MAPK4: variants seen among roughly 807,000 people sequenced by gnomAD.
MAPK4 encodes the protein Erk3-related.
In MAPK4, 22 loss-of-function variants were observed where a neutral mutation model predicts 47.7. The ratio of observed to expected loss-of-function variants is 0.46; its 90% CI spans 0.33 to 0.66. The LOEUF (loss-of-function observed/expected upper bound fraction) is 0.66. Among genes scored for constraint, MAPK4 ranks in the 30% least tolerant of loss-of-function variants. The probability of loss-of-function intolerance (pLI) is 0.02; values close to 1 mark genes in which losing one functional copy is unlikely to be tolerated. For missense variants in MAPK4, 736 were observed against 831.7 expected (o/e 0.88, Z 1.42); for synonymous variants, 390 against 365.7 (o/e 1.07, Z -0.76).
intron 2 of MAPK4, among the ~76,000 whole-genome samples, chr18:50,677,280 G>A (rs1908326543): frequency 6.6e-6 from 1 of 152,170 alleles, no homozygotes; most frequent in African/African-American, 2.4e-5. Flanking sequence ...ACTCCAAAAT[G>A]TTAACAATGG....
intron 2 of MAPK4, among the ~76,000 whole-genome samples, chr18:50,701,001 A>C (rs536330494): frequency 4.6e-5 from 7 of 152,192 alleles, no homozygotes; most frequent in Non-Finnish European, 8.8e-5. Context: ...CATGCCCTTC[A>C]CGTGTTCCCT....
rs191436108 is a variant in MAPK4 at position 50,661,996 on chromosome 18, G to A, written c.-870-1093G>A. ...AGAAGTCTTTACAGGCGATCTGATTGTTTACTATTTCAGATCATCTGTGTC... is the reference window on the plus strand; with the variant it reads ...AGAAGTCTTTACAGGCGATCTGATTATTTACTATTTCAGATCATCTGTGTC... On this transcript the variant is annotated intron_variant, in intron 1 of 5. Transcript: ENST00000400384. 2.6e-4 allele frequency among the ~76,000 whole-genome samples: 40 copies of A among 152,318 alleles called. 1 individual carries two copies. Among genetic ancestry groups the A allele is most frequent in the African/African-American group, 9.1e-4 (38 of 41,564 alleles).
At chr18:50,675,714 T>G (rs1263832339) in intron 2 of MAPK4, among the ~76,000 whole-genome samples, 1 of 152,038 alleles carries the variant, frequency 6.6e-6, no homozygotes, top group East Asian at 1.9e-4. Context: ...ATGGTCTTGA[T>G]CTCTTGACCT....
intron 2 of MAPK4, among the ~76,000 whole-genome samples, chr18:50,683,180 C>T (rs538857287): frequency 4.6e-5 from 7 of 151,980 alleles, no homozygotes; most frequent in Non-Finnish European, 7.4e-5. Flanking sequence ...AGTGCAGTGG[C>T]GTGATCTAAG....
chr18:50,657,176 G>A (rs371295119), intron 1 of MAPK4, among the ~76,000 whole-genome samples: 4 of 152,160 alleles, frequency 2.6e-5, no homozygotes, highest in African/African-American at 9.7e-5. Flanking sequence ...TCCCCAGCAG[G>A]CTTTCCCTTA....
intron 1 of MAPK4, among the ~76,000 whole-genome samples, chr18:50,605,408 A>T (rs1568042284): frequency 6.6e-6 from 1 of 152,140 alleles, no homozygotes; most frequent in Non-Finnish European, 1.5e-5. Flanking sequence ...TTTGGAAGGG[A>T]TCTTGAGGAA....
chr18:50,669,520 C>G (rs1907799900), intron 2 of MAPK4: 1 of 152,272 alleles, frequency 6.6e-6, no homozygotes, highest in Non-Finnish European at 1.5e-5. Flanking sequence ...GCTTGTAGCA[C>G]TTATTTTACC....
chr18:50,700,927 T>C (rs1004464567), intron 2 of MAPK4, among the ~76,000 whole-genome samples: 1 of 152,114 alleles, frequency 6.6e-6, no homozygotes, highest in Non-Finnish European at 1.5e-5. Flanking sequence ...GCCGAAATTC[T>C]CACCAGCTTG....
intron 1 of MAPK4, among the ~76,000 whole-genome samples, chr18:50,601,616 G>T: frequency 6.6e-6 from 1 of 152,040 alleles, no homozygotes; most frequent in East Asian, 1.9e-4. Context: ...GCTCCACCTG[G>T]GTCTTTTGAA....
intron 1 of MAPK4, among the ~76,000 whole-genome samples, chr18:50,625,315 G>C (rs961854635): frequency 6.6e-6 from 1 of 152,204 alleles, no homozygotes; most frequent in African/African-American, 2.4e-5. Flanking sequence ...GGGATGCTAA[G>C]AGATGGCAAA....
At position 50,665,188 on chromosome 18, in the gene MAPK4, C is replaced by T. The variant is rs557417279; in HGVS notation, c.546+684C>T. On this transcript the variant is annotated intron_variant, in intron 2 of 5. Transcript: ENST00000400384. ...CCAACTGCAGGGATCAGAGCTGACCCGGCCACTCTGCTGGAGACAAATGTC... is the reference window on the plus strand; with the variant it reads ...CCAACTGCAGGGATCAGAGCTGACCTGGCCACTCTGCTGGAGACAAATGTC... Among the ~76,000 whole-genome samples, 499 of 152,312 alleles carry T rather than the reference C, an allele frequency of 3.3e-3. 2 individuals carry two copies. Among genetic ancestry groups the T allele is most frequent in the African/African-American group, 0.011 (476 of 41,578 alleles).
chr18:50,626,838 C>T (rs1374300595), intron 1 of MAPK4, among the ~76,000 whole-genome samples: 1 of 152,178 alleles, frequency 6.6e-6, no homozygotes, highest in East Asian at 1.9e-4. Context: ...CCTAGTGACT[C>T]TTTGCGCTTG....
At chr18:50,572,927 A>T (rs1341014813) in intron 1 of MAPK4, among the ~76,000 whole-genome samples, 1 of 152,204 alleles carries the variant, frequency 6.6e-6, no homozygotes, top group African/African-American at 2.4e-5. Context: ...AACTTAGATT[A>T]TTTGAAATAA....
At chr18:50,624,941 T>A (rs1444248690) in intron 1 of MAPK4, among the ~76,000 whole-genome samples, 1 of 152,106 alleles carries the variant, frequency 6.6e-6, no homozygotes, top group Non-Finnish European at 1.5e-5. Context: ...TTGGGTCAGC[T>A]CTAAGCTTTG....
intron 3 of MAPK4, among the ~76,000 whole-genome samples, chr18:50,718,341 C>T (rs536053120): frequency 6.6e-6 from 1 of 152,338 alleles, no homozygotes; most frequent in Non-Finnish European, 1.5e-5. Flanking sequence ...GTCTCAGCCT[C>T]CCGAGTAGCT....
At chr18:50,611,302 C>T (rs1387265227) in intron 1 of MAPK4, among the ~76,000 whole-genome samples, 1 of 152,214 alleles carries the variant, frequency 6.6e-6, no homozygotes, top group Non-Finnish European at 1.5e-5. Context: ...CTATTTTATT[C>T]TGCCATCTCT....
chr18:50,720,743 G>T (rs1246361619), intron 3 of MAPK4, among the ~76,000 whole-genome samples: 1 of 152,180 alleles, frequency 6.6e-6, no homozygotes, highest in Non-Finnish European at 1.5e-5. Context: ...GTACACATTT[G>T]GAGAGAGGAC....
intron 1 of MAPK4, among the ~76,000 whole-genome samples, chr18:50,581,064 A>G (rs1392541775): frequency 6.6e-6 from 1 of 152,206 alleles, no homozygotes; most frequent in African/African-American, 2.4e-5. Flanking sequence ...AGGAGTTTGC[A>G]TGTTCATCCT....
At chr18:50,711,800 C>A (rs1395479798) in intron 2 of MAPK4, among the ~76,000 whole-genome samples, 1 of 150,652 alleles carries the variant, frequency 6.6e-6, no homozygotes, top group Non-Finnish European at 1.5e-5. Flanking sequence ...AAAATTGGGT[C>A]TCGACTTCTG....
Sources: allele counts gnomAD v4.1 joint callset (sites outside exome capture counted in the v4.1 genomes callset), GRCh38; gene constraint gnomAD v4.1.1; transcripts MANE v1.5; gene names NCBI Gene and HGNC (gene_info 2026-07-23, HGNC 2026-07-21).